Variants in C12orf42 observed in about 807,000 individuals in gnomAD.
The protein encoded by C12orf42 is uncharacterized protein C12orf42.
In C12orf42, 25 loss-of-function variants were observed where a neutral mutation model predicts 21.6. The ratio of observed to expected loss-of-function variants is 1.16; its 90% CI spans 0.84 to 1.62. The LOEUF (loss-of-function observed/expected upper bound fraction) is 1.62, where lower values mean the gene tolerates loss of function less well. Among genes scored for constraint, C12orf42 ranks in the 40% most tolerant of loss-of-function variants. The pLI, the probability that C12orf42 is intolerant of heterozygous loss-of-function variation, is 0.00. For synonymous variants in C12orf42, 174 were observed against 175.0 expected, an observed-to-expected ratio of 0.99 and a Z score of 0.05; for missense variants, 483 against 459.3, an observed-to-expected ratio of 1.05 and a Z score of -0.47.
At chr12:103,063,769 G>T in the C12orf42 span, among the ~76,000 whole-genome samples, 1 of 152,266 alleles carries the variant, frequency 6.6e-6, no homozygotes, top group East Asian at 1.9e-4. Context: ...GAGGAGATAT[G>T]CTATGCTGAT....
chr12:103,538,049 A>G, the C12orf42 span, among the ~76,000 whole-genome samples: 1 of 152,364 alleles, frequency 6.6e-6, no homozygotes, highest in Middle Eastern at 3.4e-3. Context: ...CAAAGAAAAA[A>G]GCTTAAAGTC....
At chr12:103,083,095 T>C in the C12orf42 span, among the ~76,000 whole-genome samples, 8 of 152,200 alleles carry the variant, frequency 5.3e-5, no homozygotes, top group South Asian at 2.1e-4. Flanking sequence ...CTGGGCACGG[T>C]GGCTGACGCC....
At chr12:103,554,864 C>A in the C12orf42 span, among the ~76,000 whole-genome samples, 3 of 152,160 alleles carry the variant, frequency 2.0e-5, no homozygotes, top group Non-Finnish European at 2.9e-5. Context: ...ATCTCCAACA[C>A]TGGGAATTAC....
the C12orf42 span, among the ~76,000 whole-genome samples, chr12:103,075,729 T>C: frequency 6.6e-6 from 1 of 152,156 alleles, no homozygotes; most frequent in Non-Finnish European, 1.5e-5. Context: ...CCAGTAAGAA[T>C]GAAGTCTGGA....
chr12:103,368,075 T>C (rs2044787402), intron 4 of C12orf42: 1 of 1,284,818 alleles, frequency 7.8e-7, no homozygotes, highest in Non-Finnish European at 1.0e-6. Context: ...CAGGCACATT[T>C]AAATATATCC....
the C12orf42 span, chr12:103,547,868 G>A: frequency 6.6e-6 from 1 of 152,178 alleles, no homozygotes; most frequent in Non-Finnish European, 1.5e-5. Context: ...GTGTACAATG[G>A]AGAGTGCTAG....
chr12:103,535,635 C>G, the C12orf42 span, among the ~76,000 whole-genome samples: 1 of 152,004 alleles, frequency 6.6e-6, no homozygotes, highest in Admixed American at 6.6e-5. Flanking sequence ...AAATAGCTAT[C>G]TCTTGGAGAA....
At chr12:103,105,176 A>G in the C12orf42 span, among the ~76,000 whole-genome samples, 7 of 152,286 alleles carry the variant, frequency 4.6e-5, no homozygotes, top group African/African-American at 1.7e-4. Flanking sequence ...AAGAAAATAC[A>G]TATAATGATG....
chr12:103,123,759 G>T, the C12orf42 span, among the ~76,000 whole-genome samples: 1 of 151,390 alleles, frequency 6.6e-6, no homozygotes, highest in Non-Finnish European at 1.5e-5. Context: ...ATAATGTATT[G>T]CATATATATT....
chr12:103,058,367 A>C, the C12orf42 span, among the ~76,000 whole-genome samples: 1 of 151,984 alleles, frequency 6.6e-6, no homozygotes, highest in African/African-American at 2.4e-5. Flanking sequence ...GTAGATTTTG[A>C]ATATTAGACC....
At position 103,478,464 on chromosome 12, in the gene C12orf42, G is replaced by C. The variant is rs1305696667; in HGVS notation, c.-21-17C>G. ...TTCAACTCCCTATAAACAAAGAATG[G>C]AGAAAGAAGAGCAGGTTTACAATGA... is the stretch of plus-strand genomic sequence containing the variant. On this transcript the variant is annotated splice_polypyrimidine_tract_variant and intron_variant, in intron 1 of 5. Transcript: ENST00000548883. The C allele has an allele frequency of 7.9e-7, 1 of 1,266,544 alleles. No individual in the cohort carries two copies. The highest frequency in any genetic ancestry group is 1.4e-5 in the South Asian group (1 of 70,892). 78.5% of individuals were successfully genotyped at this position (1,266,544 alleles called of 1,614,324 possible).
At chr12:103,258,703 A>G (rs534638191) in intron 10 of C12orf42, among the ~76,000 whole-genome samples, 58 of 152,110 alleles carry the variant, frequency 3.8e-4, no homozygotes, top group Non-Finnish European at 6.0e-4. Context: ...AACAATCAGA[A>G]TATGTATTCT....
the C12orf42 span, among the ~76,000 whole-genome samples, chr12:103,205,532 T>C: frequency 6.6e-6 from 1 of 152,152 alleles, no homozygotes; most frequent in Non-Finnish European, 1.5e-5. Context: ...TCAAGACTTG[T>C]AGGGATTATG....
intron 4 of C12orf42, among the ~76,000 whole-genome samples, chr12:103,332,726 G>A (rs1441456223): frequency 6.6e-6 from 1 of 152,248 alleles, no homozygotes; most frequent in East Asian, 1.9e-4. Flanking sequence ...CCAACTGCTG[G>A]TACCTGTGAA....
At chr12:103,419,593 C>A (rs948428369) in intron 2 of C12orf42, among the ~76,000 whole-genome samples, 1 of 152,118 alleles carries the variant, frequency 6.6e-6, no homozygotes, top group Non-Finnish European at 1.5e-5. Context: ...GTCTGAATAT[C>A]CCTAAACAGA....
At chr12:103,356,865 T>C (rs2043614651) in intron 4 of C12orf42, among the ~76,000 whole-genome samples, 1 of 151,964 alleles carries the variant, frequency 6.6e-6, no homozygotes, top group African/African-American at 2.4e-5. Flanking sequence ...CACTTTTTGA[T>C]GGGGTTGTTT....
intron 4 of C12orf42, among the ~76,000 whole-genome samples, chr12:103,332,647 C>T (rs2041344201): frequency 6.6e-6 from 1 of 152,232 alleles, no homozygotes; most frequent in Non-Finnish European, 1.5e-5. Context: ...GCCAATGTAT[C>T]CTCAGTAATG....
chr12:103,406,099 A>C (rs1180930264), intron 2 of C12orf42, among the ~76,000 whole-genome samples: 1 of 152,204 alleles, frequency 6.6e-6, no homozygotes, highest in African/African-American at 2.4e-5. Context: ...TTCATAGGCA[A>C]AGGCATTTAA....
chr12:103,354,007 T>C (rs573730574), intron 4 of C12orf42, among the ~76,000 whole-genome samples: 1 of 152,324 alleles, frequency 6.6e-6, no homozygotes, highest in South Asian at 2.1e-4. Flanking sequence ...TTCCGTTGCC[T>C]ATAATGTGAT....
Sources: allele counts gnomAD v4.1 joint callset (sites outside exome capture counted in the v4.1 genomes callset), GRCh38; gene constraint gnomAD v4.1.1; transcripts MANE v1.5; gene names NCBI Gene and HGNC (gene_info 2026-07-23, HGNC 2026-07-21).